The following DDAH1 variants were observed in gnomAD, a reference collection of about 807,000 sequenced individuals.
DDAH1 encodes dimethylarginine dimethylaminohydrolase 1.
In DDAH1, 19 loss-of-function variants were observed where a neutral mutation model predicts 28.8. That is an observed-to-expected ratio of 0.66 (90% CI 0.46 to 0.97). The LOEUF is 0.97. Ranked by LOEUF, DDAH1 falls within the 50% of genes least tolerant of loss-of-function variation. The pLI, the probability that DDAH1 is intolerant of heterozygous loss-of-function variation, is 0.00. For synonymous variants in DDAH1, 153 were observed against 154.4 expected, an observed-to-expected ratio of 0.99 and a Z score of 0.07; for missense variants, 326 against 375.9, an observed-to-expected ratio of 0.87 and a Z score of 1.10.
intron 1 of DDAH1, among the ~76,000 whole-genome samples, chr1:85,536,081 C>T (rs1213702413): frequency 3.3e-5 from 5 of 150,982 alleles, no homozygotes; most frequent in South Asian, 2.1e-4. Context: ...GGCAACATGG[C>T]GAAACCTTAG....
chr1:85,527,796 T>C (rs1259254675), intron 1 of DDAH1, among the ~76,000 whole-genome samples: 1 of 152,222 alleles, frequency 6.6e-6, no homozygotes, highest in Non-Finnish European at 1.5e-5. Context: ...CTTTATATTA[T>C]TAACAAATGC....
chr1:85,444,567 G>A (rs975391513), intron 1 of DDAH1, among the ~76,000 whole-genome samples: 5 of 152,184 alleles, frequency 3.3e-5, no homozygotes, highest in African/African-American at 1.2e-4. Flanking sequence ...CAAGTCCTGT[G>A]TCAAAGTTCC....
At chr1:85,547,613 T>C (rs1658665725) in intron 1 of DDAH1, among the ~76,000 whole-genome samples, 1 of 152,200 alleles carries the variant, frequency 6.6e-6, no homozygotes, top group East Asian at 1.9e-4. Flanking sequence ...TCAACTACAT[T>C]ATAAGTTCCT....
At chr1:85,550,748 A>C (rs79050116) in intron 1 of DDAH1, among the ~76,000 whole-genome samples, 3,030 of 150,688 alleles carry the variant, frequency 0.02, 99 homozygotes, top group African/African-American at 0.058. Context: ...AATAATAAAA[A>C]ACACACACAC....
At position 85,321,189 on chromosome 1, in the gene DDAH1, G is replaced by A. The variant is rs1661321842; in HGVS notation, c.*263C>T. The A allele has an allele frequency of 2.9e-6, 1 of 346,466 alleles. No homozygotes were observed. The highest frequency in any genetic ancestry group is 5.2e-6 in the Non-Finnish European group (1 of 190,508). The allele number at this position is 346,466 out of a possible 1,614,324, so 21.5% of individuals were successfully genotyped here. On this transcript the variant is annotated 3_prime_UTR_variant, in exon 6 of 6. Coordinates refer to ENST00000284031, the MANE Select transcript of DDAH1 (RefSeq NM_012137.4). ...CACTAAATGAGTGTTTCCTTACTGG[G>A]ATTAATCACATTTTGATAATTCATT...
intron 1 of DDAH1, among the ~76,000 whole-genome samples, chr1:85,459,220 C>T (rs1398148423): frequency 6.6e-6 from 1 of 152,152 alleles, no homozygotes; most frequent in East Asian, 1.9e-4. Context: ...AATAAGAATT[C>T]AAATACATGC....
At chr1:85,330,483 G>A (rs1398477862) in intron 4 of DDAH1, among the ~76,000 whole-genome samples, 1 of 152,118 alleles carries the variant, frequency 6.6e-6, no homozygotes, top group Non-Finnish European at 1.5e-5. Flanking sequence ...CAACCCCAGG[G>A]ACTGTACTTC....
intron 4 of DDAH1, among the ~76,000 whole-genome samples, chr1:85,346,990 A>C (rs1420677536): frequency 6.6e-6 from 1 of 152,216 alleles, no homozygotes; most frequent in South Asian, 2.1e-4. Context: ...GAAGACATTT[A>C]TGCAGCCAAC....
At chr1:85,541,702 A>G (rs962019257) in intron 1 of DDAH1, among the ~76,000 whole-genome samples, 2 of 152,172 alleles carry the variant, frequency 1.3e-5, no homozygotes, top group African/African-American at 2.4e-5. Context: ...CTAATTCCCA[A>G]TGTGATGGTA....
chr1:85,394,075 A>G (rs946519455), intron 1 of DDAH1, among the ~76,000 whole-genome samples: 1 of 152,242 alleles, frequency 6.6e-6, no homozygotes, highest in South Asian at 2.1e-4. Context: ...ATAATATTTC[A>G]TCAGAAAAAC....
intron 5 of DDAH1, among the ~76,000 whole-genome samples, chr1:85,321,920 T>C (rs1312349027): frequency 6.6e-6 from 1 of 152,176 alleles, no homozygotes; most frequent in East Asian, 1.9e-4. Context: ...TTTATTTATT[T>C]ATATATTTTT....
At chr1:85,577,346 G>A (rs760410157) in intron 1 of DDAH1, among the ~76,000 whole-genome samples, 7 of 152,240 alleles carry the variant, frequency 4.6e-5, no homozygotes, top group Non-Finnish European at 7.3e-5. Flanking sequence ...AAATGGTAGA[G>A]GAGAGAAATG....
chr1:85,404,856 CTTAAGTCAG>C (rs1652332667), intron 1 of DDAH1, among the ~76,000 whole-genome samples: 1 of 152,202 alleles, frequency 6.6e-6, no homozygotes, highest in Non-Finnish European at 1.5e-5. Flanking sequence ...ATCACTGCAA[CTTAAGTCAG>C]TTCATGTGGA....
At chr1:85,365,789 G>A (rs529073639) in intron 1 of DDAH1, among the ~76,000 whole-genome samples, 1 of 152,132 alleles carries the variant, frequency 6.6e-6, no homozygotes, top group Non-Finnish European at 1.5e-5. Context: ...TTGAGTGTGA[G>A]TAGGACCTGT....
intron 1 of DDAH1, among the ~76,000 whole-genome samples, chr1:85,408,402 A>G (rs1003767314): frequency 2.6e-5 from 4 of 151,534 alleles, no homozygotes; most frequent in Admixed American, 2.6e-4. Context: ...TCCTTTTCAT[A>G]TTGTTTTGTG....
intron 1 of DDAH1, among the ~76,000 whole-genome samples, chr1:85,415,176 G>A (rs76711495): frequency 0.046 from 6,981 of 151,748 alleles, 263 homozygotes; most frequent in South Asian, 0.18. Context: ...CACCACGCCC[G>A]GCTAATTTTT....
At chr1:85,451,004 A>G (rs1297915002) in intron 1 of DDAH1, among the ~76,000 whole-genome samples, 2 of 152,172 alleles carry the variant, frequency 1.3e-5, no homozygotes, top group Non-Finnish European at 2.9e-5. Context: ...TCCTAAAACC[A>G]TGAGCTGGAG....
At chr1:85,339,671 C>T (rs1166715777) in intron 4 of DDAH1, among the ~76,000 whole-genome samples, 3 of 152,210 alleles carry the variant, frequency 2.0e-5, no homozygotes, top group Admixed American at 1.3e-4. Context: ...AAGTTTTCCC[C>T]GGAGGCTGCA....
chr1:85,500,072 C>CT (rs1347558758), intron 1 of DDAH1, among the ~76,000 whole-genome samples: 71 of 148,224 alleles, frequency 4.8e-4, no homozygotes, highest in Non-Finnish European at 5.7e-4. Context: ...CTTTTCTTTT[C>CT]TTTCCTTTCC....
Sources: gnomAD v4.1 joint callset for allele counts (sites outside exome capture counted in the v4.1 genomes callset) on GRCh38, gnomAD v4.1.1 for gene constraint, MANE v1.5 for transcripts, NCBI Gene and HGNC (gene_info 2026-07-23, HGNC 2026-07-21) for gene names.